UNC79: variants seen among roughly 807,000 people sequenced by gnomAD.
UNC79 encodes protein unc-79 homolog.
A neutral mutation model predicts 283.1 loss-of-function variants in UNC79; 37 were observed. The ratio of observed to expected loss-of-function variants is 0.13; its 90% CI spans 0.10 to 0.17. UNC79 has a LOEUF of 0.17. UNC79 is among the 10% of genes least tolerant of loss of function. The pLI is 1.00. For missense variants in UNC79, 2,272 were observed against 3,211.1 expected (o/e 0.71, Z 7.07); for synonymous variants, 1,107 against 1,200.2 (o/e 0.92, Z 1.61).
Position 93,622,214 on chromosome 14 carries a change from G to C in UNC79, c.4981G>C (p.Gly1661Arg), listed in dbSNP as rs188003377. ...GAACCAAGGCGATGACGGCCCCTCC[G>C]GTAAAAATGCTGCCTCTTCTCCCTC... The change falls in exon 30 of 49, where the codon GGT (glycine) becomes CGT (arginine). Residue 1661 changes from glycine (G) to arginine (R), a missense_variant. Around this residue, in one of 11 missense-constraint regions of UNC79, gnomAD observed 580 missense variants for 632.2 expected, o/e 0.92. Transcript: ENST00000555664. 4 of 1,614,060 alleles carry C rather than the reference G, an allele frequency of 2.5e-6. No homozygotes were observed. The Admixed American group carries it at 6.7e-5, about 27-fold the overall frequency.
chr14:93,345,600 G>T (rs1483218777), intron 1 of UNC79, among the ~76,000 whole-genome samples: 1 of 152,058 alleles, frequency 6.6e-6, no homozygotes, highest in South Asian at 2.1e-4. Flanking sequence ...TGGGCTAGAA[G>T]AAAAAGTCAA....
intron 1 of UNC79, among the ~76,000 whole-genome samples, chr14:93,436,670 A>AAT (rs1480797080): frequency 6.6e-6 from 1 of 152,164 alleles, no homozygotes; most frequent in East Asian, 1.9e-4. Flanking sequence ...ACATTTTGAA[A>AAT]ATATATGGAT....
Position 93,474,981 on chromosome 14 carries a change from T to C in UNC79, c.448+588T>C, listed in dbSNP as rs2057718565. Among the ~76,000 whole-genome samples the C allele has an allele frequency of 6.6e-6, 1 of 152,210 alleles. No homozygotes were observed. The highest frequency in any genetic ancestry group is 2.1e-4 in the South Asian group (1 of 4,828). On this transcript the variant is annotated intron_variant, in intron 3 of 48. Transcript: ENST00000555664. This position sits in a 1 kb window ranked among gnomAD's most constrained non-coding sequence, Gnocchi z 4.1. ...GGCGCTGTATGCTGTATTCAGCATA[T>C]GGTATTAGTGGTGCTATGTGCTATT...
chr14:93,618,078 CAT>C (rs1161958797), intron 28 of UNC79, 112 bp from the exon 30 acceptor site: 9 of 1,127,188 alleles, frequency 8.0e-6, no homozygotes, highest in Non-Finnish European at 1.1e-5. Flanking sequence ...CTCTCTCTCT[CAT>C]ATATATATTT....
rs1007745399 is a variant in UNC79, at chr14:93,688,331, G to C, written c.6910-334G>C. Among the ~76,000 whole-genome samples, 1 of 152,124 alleles carries C rather than the reference G, an allele frequency of 6.6e-6. No individual in the cohort carries two copies. Among genetic ancestry groups the C allele is most frequent in the Non-Finnish European group, 1.5e-5 (1 of 68,022 alleles). Reference sequence around the variant, plus strand: ...AGGCTTCCCAGAGGAAGTTACATTTGAGCTAAAACCTGAACAATTAGGTGA... The same window carrying C: ...AGGCTTCCCAGAGGAAGTTACATTTCAGCTAAAACCTGAACAATTAGGTGA... On this transcript the variant is annotated intron_variant, in intron 43 of 48. Transcript: ENST00000555664. This position sits in a 1 kb window ranked among gnomAD's most constrained non-coding sequence, Gnocchi z 4.0.
In UNC79 at chr14:93,446,493, T is replaced by C. The variant is rs572844789; in HGVS notation, c.22+15442T>C. 2.2e-3 allele frequency among the ~76,000 whole-genome samples: 333 copies of C among 152,162 alleles called. 3 individuals carry two copies. Among genetic ancestry groups the C allele is most frequent in the African/African-American group, 7.5e-3 (312 of 41,504 alleles). Reference sequence around the variant, plus strand: ...TCACTGCAAACTCCACCTCCCAGGTTTAAGCGATTCTCTTGCCTCAGCCTC... The same window carrying C: ...TCACTGCAAACTCCACCTCCCAGGTCTAAGCGATTCTCTTGCCTCAGCCTC... On this transcript the variant is annotated intron_variant, in intron 1 of 48. Coordinates refer to ENST00000555664, the Ensembl canonical transcript of UNC79.
chr14:93,413,086 G>C (rs2055369939), intron 1 of UNC79, among the ~76,000 whole-genome samples: 1 of 151,938 alleles, frequency 6.6e-6, no homozygotes, highest in African/African-American at 2.4e-5. Context: ...ACAATGTGCA[G>C]GTTAGTTACA....
chr14:93,369,257 A>C, intron 1 of UNC79, among the ~76,000 whole-genome samples: 1 of 152,198 alleles, frequency 6.6e-6, no homozygotes, highest in South Asian at 2.1e-4. Flanking sequence ...TTCCCCTTCT[A>C]CTTATACTGT....
chr14:93,696,512 A>G (rs1313206646), intron 47 of UNC79, among the ~76,000 whole-genome samples: 2 of 152,190 alleles, frequency 1.3e-5, no homozygotes, highest in African/African-American at 4.8e-5. Flanking sequence ...TAATTATTCT[A>G]AGAGTTGTGT....
intron 14 of UNC79, among the ~76,000 whole-genome samples, chr14:93,552,526 A>G (rs1466454779): frequency 1.3e-5 from 2 of 152,222 alleles, no homozygotes; most frequent in South Asian, 4.1e-4. Flanking sequence ...AAAACAACAG[A>G]TAAGACTAGA....
exon 12 of UNC79, chr14:93,538,070 C>A: frequency 6.2e-7 from 1 of 1,614,166 alleles, no homozygotes; most frequent in Non-Finnish European, 8.5e-7. Context: ...CAGGCCTGTT[C>A]GGTACTGCAA....
At chr14:93,583,761 T>G (rs2063997008) in intron 20 of UNC79, among the ~76,000 whole-genome samples, 1 of 150,960 alleles carries the variant, frequency 6.6e-6, no homozygotes, top group Non-Finnish European at 1.5e-5. Context: ...ACCTTGCTTC[T>G]GCCAGATTGC....
chr14:93,350,411 TTAAAG>T (rs1349732820), intron 1 of UNC79, among the ~76,000 whole-genome samples: 13 of 152,146 alleles, frequency 8.5e-5, no homozygotes, highest in Admixed American at 8.5e-4. Context: ...AATTTTTGTC[TTAAAG>T]TAAAATAACT....
intron 14 of UNC79, among the ~76,000 whole-genome samples, chr14:93,548,993 C>A (rs1167901287): frequency 1.3e-5 from 2 of 152,148 alleles, no homozygotes; most frequent in African/African-American, 2.4e-5. Flanking sequence ...GATGCAAATT[C>A]TTCTTAGTAT....
At chr14:93,342,089 ACT>A (rs1239083261) in intron 1 of UNC79, among the ~76,000 whole-genome samples, 1 of 151,818 alleles carries the variant, frequency 6.6e-6, no homozygotes, top group Non-Finnish European at 1.5e-5. Context: ...TGTAGTAGAG[ACT>A]CTGTGTGGGG....
chr14:93,557,066 A>G (rs2062214572), intron 14 of UNC79, among the ~76,000 whole-genome samples: 1 of 152,240 alleles, frequency 6.6e-6, no homozygotes, highest in African/African-American at 2.4e-5. Context: ...ACTCCATTAC[A>G]GAGAAGGACA....
intron 1 of UNC79, among the ~76,000 whole-genome samples, chr14:93,395,619 G>A (rs2054978748): frequency 6.6e-6 from 1 of 152,172 alleles, no homozygotes; most frequent in Non-Finnish European, 1.5e-5. Flanking sequence ...GATTTGGGTG[G>A]GGACATGGAG....
At chr14:93,518,312 A>G (rs2060166068) in intron 7 of UNC79, among the ~76,000 whole-genome samples, 1 of 151,850 alleles carries the variant, frequency 6.6e-6, no homozygotes, top group Non-Finnish European at 1.5e-5. Context: ...ATTGAGTTAT[A>G]GTGAGTTATT....
At chr14:93,354,220 T>C (rs2054038035) in intron 1 of UNC79, among the ~76,000 whole-genome samples, 1 of 152,152 alleles carries the variant, frequency 6.6e-6, no homozygotes, top group African/African-American at 2.4e-5. Flanking sequence ...TATGAGAAGA[T>C]GATGATGGGC....
Sources: allele counts gnomAD v4.1 joint callset (sites outside exome capture counted in the v4.1 genomes callset), GRCh38; gene constraint gnomAD v4.1.1; regional missense constraint gnomAD v4.1.1; non-coding constraint Gnocchi (gnomAD v3.1); transcripts MANE v1.5; gene names NCBI Gene and HGNC (gene_info 2026-07-23, HGNC 2026-07-21).